Variants in MDGA2 observed in about 807,000 individuals in gnomAD.
MDGA2 encodes the protein MAM domain containing glycosylphosphatidylinositol anchor 2.
MDGA2 carries 40 observed loss-of-function variants against 117.8 expected under a neutral mutation model. The observed-to-expected ratio is 0.34, with a 90% confidence interval of 0.26 to 0.44. MDGA2 has a LOEUF of 0.44. MDGA2 is among the 20% of genes least tolerant of loss of function. The pLI is 1.00. For synonymous variants in MDGA2, 452 were observed against 439.0 expected (o/e 1.03, Z -0.37); for missense variants, 1,123 against 1,250.6 (o/e 0.90, Z 1.54).
chr14:47,475,972 T>A (rs1163490076), intron 1 of MDGA2, among the ~76,000 whole-genome samples: 8 of 152,180 alleles, frequency 5.3e-5, no homozygotes, highest in Admixed American at 4.6e-4. Context: ...GCAACAAACC[T>A]GTGCATCCTG....
chr14:47,406,278 G>A (rs543393766), intron 1 of MDGA2, among the ~76,000 whole-genome samples: 16 of 152,186 alleles, frequency 1.1e-4, no homozygotes, highest in Admixed American at 9.2e-4. Flanking sequence ...ACTAATCTAT[G>A]TAATTAAGTA....
intron 3 of MDGA2, among the ~76,000 whole-genome samples, chr14:47,170,942 G>A (rs1260993584): frequency 6.6e-6 from 1 of 151,996 alleles, no homozygotes; most frequent in Non-Finnish European, 1.5e-5. Context: ...TTCGCTTTGT[G>A]GTTTATAGAG....
chr14:47,454,160 C>T (rs1463271743), intron 1 of MDGA2, among the ~76,000 whole-genome samples: 1 of 152,184 alleles, frequency 6.6e-6, no homozygotes, highest in Admixed American at 6.5e-5. Flanking sequence ...GTTCTTTAGG[C>T]TGCTGATCCA....
chr14:47,193,969 C>T (rs547569140), intron 3 of MDGA2, among the ~76,000 whole-genome samples: 2 of 152,222 alleles, frequency 1.3e-5, no homozygotes, highest in South Asian at 4.1e-4. Context: ...AGATCAAAAG[C>T]AGAATAAATT....
chr14:47,086,274 G>T (rs1180771193), intron 6 of MDGA2, among the ~76,000 whole-genome samples: 1 of 151,804 alleles, frequency 6.6e-6, no homozygotes, highest in African/African-American at 2.4e-5. Context: ...AAGAAGAGAA[G>T]ATTCTTTGAA....
chr14:47,492,107 T>C (rs1336290262), intron 1 of MDGA2, among the ~76,000 whole-genome samples: 2 of 152,158 alleles, frequency 1.3e-5, no homozygotes, highest in African/African-American at 4.8e-5. Context: ...AATTCTTCTT[T>C]TCTTTCAAAG....
At chr14:46,974,348 AT>A (rs896259685) in intron 8 of MDGA2, among the ~76,000 whole-genome samples, 2 of 151,878 alleles carry the variant, frequency 1.3e-5, no homozygotes, top group East Asian at 1.9e-4. Flanking sequence ...TCCCAATGGC[AT>A]TTTTTTTGGC....
At chr14:47,071,612 G>C (rs1311708170) in intron 6 of MDGA2, among the ~76,000 whole-genome samples, 1 of 151,836 alleles carries the variant, frequency 6.6e-6, no homozygotes, top group East Asian at 1.9e-4. Flanking sequence ...CAAAATGCTG[G>C]TGGTATAGAC....
intron 1 of MDGA2, among the ~76,000 whole-genome samples, chr14:47,339,727 C>T (rs72683876): frequency 0.09 from 13,690 of 152,128 alleles, 754 homozygotes; most frequent in Non-Finnish European, 0.11. Context: ...GTACAGCTTG[C>T]GGAACAATGA....
intron 6 of MDGA2, among the ~76,000 whole-genome samples, chr14:47,080,353 T>A (rs1274776519): frequency 6.6e-6 from 1 of 152,190 alleles, no homozygotes; most frequent in Non-Finnish European, 1.5e-5. Flanking sequence ...CATGGAGACT[T>A]TGGAAAGGTT....
intron 1 of MDGA2, among the ~76,000 whole-genome samples, chr14:47,494,039 T>C (rs1894228241): frequency 2.0e-5 from 3 of 152,206 alleles, no homozygotes; most frequent in African/African-American, 7.2e-5. Flanking sequence ...TCATGAGATC[T>C]GATGGTTTTA....
chr14:47,674,666 C>T lies in MDGA2; in HGVS notation c.131G>A (p.Arg44His). The T allele has an allele frequency of 7.3e-7, 1 of 1,375,790 alleles. No individual in the cohort carries two copies. The highest frequency in any genetic ancestry group is 1.0e-6 in the Non-Finnish European group (1 of 987,694). 85.2% of individuals were successfully genotyped at this position (1,375,790 alleles called of 1,614,324 possible). A position where few individuals can be genotyped will look rare whatever the true frequency, so the allele number is the denominator to read the frequency against. ...CAGGAGGCCGGCGGCCAGCCAGGCG[C>T]GCTCCACTCGCGCCCGGGCCAAGCC... ...HLGLARARVE[R>H]AWLAAGLLKV... The change falls in exon 1 of 17, where the codon CGC becomes CAC. Residue 44 changes from arginine to histidine, a missense_variant. Coordinates refer to ENST00000399232, the MANE Select transcript of MDGA2 (RefSeq NM_001113498.3).
intron 1 of MDGA2, among the ~76,000 whole-genome samples, chr14:47,401,593 G>T (rs1416672095): frequency 1.3e-5 from 2 of 152,184 alleles, no homozygotes; most frequent in Non-Finnish European, 2.9e-5. Flanking sequence ...ATAAAACTGT[G>T]AGTTTGGGTG....
intron 1 of MDGA2, among the ~76,000 whole-genome samples, chr14:47,522,562 T>C (rs1469740342): frequency 6.6e-6 from 1 of 151,584 alleles, no homozygotes; most frequent in African/African-American, 2.4e-5. Context: ...GTGAATGAGG[T>C]AGATAATAAC....
chr14:47,435,036 T>C (rs903780271), intron 1 of MDGA2, among the ~76,000 whole-genome samples: 1 of 152,072 alleles, frequency 6.6e-6, no homozygotes, highest in Non-Finnish European at 1.5e-5. Flanking sequence ...CTCAGGAGGC[T>C]GAGGCAGGAG....
intron 14 of MDGA2, among the ~76,000 whole-genome samples, chr14:46,866,451 C>G (rs992493025): frequency 2.0e-5 from 3 of 152,054 alleles, no homozygotes; most frequent in African/African-American, 7.2e-5. Context: ...AGAAGAAAAC[C>G]TAGGCATTAC....
chr14:47,076,589 TTACCCA>T (rs1396199538), intron 6 of MDGA2, among the ~76,000 whole-genome samples: 1 of 151,394 alleles, frequency 6.6e-6, no homozygotes, highest in Non-Finnish European at 1.5e-5. Flanking sequence ...TGTGTGTGTA[TTACCCA>T]ACCAATAAGC....
chr14:47,187,299 G>A (rs1454782557), intron 3 of MDGA2, among the ~76,000 whole-genome samples: 1 of 151,992 alleles, frequency 6.6e-6, no homozygotes, highest in Admixed American at 6.6e-5. Context: ...CTTGGAATTA[G>A]TAATTTAAAA....
intron 8 of MDGA2, among the ~76,000 whole-genome samples, chr14:47,028,575 A>G (rs1341474813): frequency 2.0e-5 from 3 of 152,174 alleles, no homozygotes; most frequent in Non-Finnish European, 4.4e-5. Context: ...TACTAATGCT[A>G]GTGTCCATGG....
Sources: allele counts gnomAD v4.1 joint callset (sites outside exome capture counted in the v4.1 genomes callset), GRCh38; gene constraint gnomAD v4.1.1; transcripts MANE v1.5; gene names NCBI Gene and HGNC (gene_info 2026-07-23, HGNC 2026-07-21).